Variants in CHD2 observed in about 807,000 individuals in gnomAD.
CHD2 encodes chromodomain helicase DNA binding protein 2, also known as ATP-dependent chromatin remodeler CHD2.
A neutral mutation model predicts 243.9 loss-of-function variants in CHD2; 28 were observed. That is an observed-to-expected ratio of 0.11 (90% CI 0.09 to 0.16). CHD2 has a LOEUF of 0.16. Among genes scored for constraint, CHD2 ranks in the 10% least tolerant of loss-of-function variants. CHD2 has a pLI of 1.00. For missense variants in CHD2, 1,386 were observed against 2,209.8 expected, an observed-to-expected ratio of 0.63 and a Z score of 7.47; for synonymous variants, 775 against 779.0, an observed-to-expected ratio of 0.99 and a Z score of 0.09.
chr15:92,901,881 C>T, intron 2 of CHD2: 1 of 301,102 alleles, frequency 3.3e-6, no homozygotes, highest in Non-Finnish European at 6.0e-6. Flanking sequence ...TCTTTTGATA[C>T]ACTTGACATT....
At chr15:92,912,992 A>T (rs1156513006) in intron 2 of CHD2, among the ~76,000 whole-genome samples, 2 of 152,054 alleles carry the variant, frequency 1.3e-5, no homozygotes, top group South Asian at 2.1e-4. Context: ...TCCCTTGCTT[A>T]AAAAAAAGTC....
rs1004246776 is a variant in CHD2 at position 92,900,413 on chromosome 15, C to G, written c.-483C>G. On this transcript the variant is annotated 5_prime_UTR_variant, in exon 1 of 39. Transcript: ENST00000394196. ...TTTGCCTCACTTTACGCAACTTTCC[C>G]TAACTTTCGGGCAGCCTCAGGGGGC... 2.5e-6 allele frequency: 1 copy of G among 395,370 alleles called. No homozygotes were observed. Among genetic ancestry groups the G allele is most frequent in the Non-Finnish European group, 4.5e-6 (1 of 224,376 alleles). 24.5% of individuals were successfully genotyped at this position (395,370 alleles called of 1,614,324 possible).
intron 35 of CHD2, among the ~76,000 whole-genome samples, chr15:93,009,799 G>A (rs995588751): frequency 6.6e-6 from 1 of 152,336 alleles, no homozygotes; most frequent in South Asian, 2.1e-4. Context: ...AATTAAAGTA[G>A]TAATTTGGAT....
chr15:92,909,410 C>T (rs73456406), intron 2 of CHD2, among the ~76,000 whole-genome samples: 305 of 152,230 alleles, frequency 2.0e-3, no homozygotes, highest in African/African-American at 6.8e-3. Context: ...CAGGGTGTAT[C>T]CCATTTGTAT....
intron 38 of CHD2, among the ~76,000 whole-genome samples, chr15:93,022,800 T>C (rs2054548634): frequency 1.3e-5 from 2 of 152,240 alleles, no homozygotes; most frequent in Non-Finnish European, 2.9e-5. Flanking sequence ...CCTGAGGGAC[T>C]ATCTCATGAT....
At chr15:92,980,719 C>G in intron 22 of CHD2, 96 bp from the exon 23 acceptor site, 3 of 779,668 alleles carry the variant, frequency 3.8e-6, no homozygotes, top group Non-Finnish European at 6.3e-6. Context: ...ATATTTTCAG[C>G]AGTTAACTTG....
chr15:92,988,095 C>A (rs370953847), intron 26 of CHD2, among the ~76,000 whole-genome samples: 1 of 132,684 alleles, frequency 7.5e-6, no homozygotes, highest in African/African-American at 2.8e-5. Flanking sequence ...TTTTTTTTTT[C>A]TTTTGAGACG....
intron 36 of CHD2, among the ~76,000 whole-genome samples, chr15:93,013,733 G>A (rs915618151): frequency 1.3e-5 from 2 of 151,894 alleles, no homozygotes; most frequent in African/African-American, 2.4e-5. Flanking sequence ...CCGAGAGTTC[G>A]AGACCAGCCT....
chr15:92,977,054 C>T (rs773725753), intron 20 of CHD2, among the ~76,000 whole-genome samples: 3 of 152,018 alleles, frequency 2.0e-5, no homozygotes, highest in Admixed American at 6.6e-5. Flanking sequence ...TTATAATCCA[C>T]GTTATCCTTG....
At chr15:92,947,047 C>G (rs1038186801) in intron 12 of CHD2, 1 of 152,114 alleles carries the variant, frequency 6.6e-6, no homozygotes, top group Non-Finnish European at 1.5e-5. Context: ...TAAATCCTTT[C>G]CTTGGAATTT....
At chr15:92,961,776 C>T (rs993587872) in intron 16 of CHD2, among the ~76,000 whole-genome samples, 2 of 150,996 alleles carry the variant, frequency 1.3e-5, no homozygotes, top group Non-Finnish European at 2.9e-5. Context: ...TGTATCTTAG[C>T]TCTTTTTCTT....
At chr15:92,948,842 A>G in intron 12 of CHD2, 110 bp from the exon 13 acceptor site, 1 of 1,302,594 alleles carries the variant, frequency 7.7e-7, no homozygotes, top group Non-Finnish European at 1.1e-6. Flanking sequence ...CCGTCTCAAA[A>G]AAAGAAATTT....
intron 14 of CHD2, among the ~76,000 whole-genome samples, chr15:92,954,920 G>A (rs560083145): frequency 6.6e-6 from 1 of 152,218 alleles, no homozygotes; most frequent in East Asian, 1.9e-4. Flanking sequence ...TTACATTGAC[G>A]TTATTATACG....
At chr15:92,949,858 C>T (rs888175630) in intron 13 of CHD2, among the ~76,000 whole-genome samples, 6 of 152,212 alleles carry the variant, frequency 3.9e-5, no homozygotes, top group African/African-American at 1.4e-4. Context: ...CATGAGAGCA[C>T]ACCGAACAAA....
At chr15:93,019,753 G>A (rs568234346) in intron 37 of CHD2, among the ~76,000 whole-genome samples, 11 of 152,254 alleles carry the variant, frequency 7.2e-5, no homozygotes, top group African/African-American at 1.7e-4. Flanking sequence ...AGCCAACATG[G>A]TGAAACCCTG....
At chr15:92,956,018 A>G (rs1214991146) in intron 15 of CHD2, among the ~76,000 whole-genome samples, 2 of 152,232 alleles carry the variant, frequency 1.3e-5, no homozygotes, top group Non-Finnish European at 2.9e-5. Context: ...GCTAAGAAAT[A>G]TATGTGGTAG....
rs779702501 is a variant in CHD2, at chr15:92,980,870, G to T, written c.2932G>T (p.Asp978Tyr). 3.7e-6 allele frequency: 6 copies of T among 1,613,682 alleles called. No homozygotes were observed. Among genetic ancestry groups the T allele is most frequent in the Admixed American group, 1.7e-5 (1 of 59,972 alleles). ...LTAILKFGAE[D>Y]LFKELEGEES... ...AGCTATTTTGAAATTTGGAGCAGAG[G>T]ATCTCTTCAAAGAACTGGAAGGGGA... The change falls in exon 23 of 39, where the codon GAT (aspartate) becomes TAT (tyrosine). Residue 978 changes from aspartate to tyrosine, a missense_variant. Coordinates refer to ENST00000394196, the MANE Select transcript of CHD2 (RefSeq NM_001271.4).
chr15:92,939,346 C>T (rs1321321643), intron 6 of CHD2, among the ~76,000 whole-genome samples: 1 of 152,082 alleles, frequency 6.6e-6, no homozygotes, highest in African/African-American at 2.4e-5. Flanking sequence ...ACGTTCTTTC[C>T]CATAAATGAT....
At position 93,025,875 on chromosome 15, in the gene CHD2, A is replaced by C. The variant is rs1174839509; in HGVS notation, c.*1170A>C. ...ACACATCATGTGGTGGGCAGATGGA[A>C]ATAAGTACCTGTGGTGAACAAGTTT... On this transcript the variant is annotated 3_prime_UTR_variant, in exon 39 of 39. Coordinates refer to ENST00000394196, the MANE Select transcript of CHD2 (RefSeq NM_001271.4). 1 of 152,222 alleles carries C rather than the reference A, an allele frequency of 6.6e-6. No individual in the cohort carries two copies. Among genetic ancestry groups the C allele is most frequent in the Admixed American group, 6.5e-5 (1 of 15,288 alleles). The allele number at this position is 152,222 out of a possible 1,614,324, so 9.4% of individuals were successfully genotyped here.
Sources: allele counts gnomAD v4.1 joint callset (sites outside exome capture counted in the v4.1 genomes callset), GRCh38; gene constraint gnomAD v4.1.1; transcripts MANE v1.5; gene names NCBI Gene and HGNC (gene_info 2026-07-23, HGNC 2026-07-21).